MTM1: variants seen among roughly 807,000 people sequenced by gnomAD.
MTM1 encodes the protein myotubularin 1, also known as myotubularin.
MTM1 carries 9 observed loss-of-function variants against 52.1 expected under a neutral mutation model. The ratio of observed to expected loss-of-function variants is 0.17; its 90% confidence interval spans 0.10 to 0.30. The LOEUF is 0.30. Among genes scored for constraint, MTM1 ranks in the 10% least tolerant of loss-of-function variants. The pLI, the probability that MTM1 is intolerant of heterozygous loss-of-function variation, is 1.00. For missense variants in MTM1, 277 were observed against 470.7 expected, an observed-to-expected ratio of 0.59 and a Z score of 3.81; for synonymous variants, 136 against 163.8, an observed-to-expected ratio of 0.83 and a Z score of 1.29.
intron 6 of MTM1, among the ~76,000 whole-genome samples, chrX:150,630,009 T>C (rs997413620): frequency 2.7e-5 from 3 of 112,524 alleles, no homozygotes; most frequent in African/African-American, 9.7e-5. Context: ...CTTCATTCCA[T>C]GTACTACCTT....
chrX:150,578,952 T>C (rs1052166281), intron 1 of MTM1, among the ~76,000 whole-genome samples: 1 of 110,771 alleles, frequency 9.0e-6, no homozygotes, highest in Admixed American at 9.6e-5. Flanking sequence ...ACTTTGTAGA[T>C]CAATATTGAC....
Position 150,623,051 on chromosome X carries a change from A to G in MTM1, c.444+3912A>G, listed in dbSNP as rs149246523. Among the ~76,000 whole-genome samples the G allele has an allele frequency of 7.3e-3, 813 of 111,706 alleles. 5 individuals carry two copies. Among genetic ancestry groups the G allele is most frequent in the African/African-American group, 0.026 (785 of 30,724 alleles). On this transcript the variant is annotated intron_variant, in intron 6 of 14. Transcript: ENST00000370396. ...AGTCATGTACAAAACCTTACCTAAA[A>G]TTTTAGAGGACTTCTGGCCCCTCTG...
intron 1 of MTM1, among the ~76,000 whole-genome samples, chrX:150,575,394 G>T (rs181471309): frequency 4.1e-4 from 46 of 112,524 alleles, no homozygotes; most frequent in Non-Finnish European, 6.4e-4. Context: ...TTAAAAAGTG[G>T]TCCCAGCGTG....
At chrX:150,636,257 T>C (rs1405392353) in intron 6 of MTM1, among the ~76,000 whole-genome samples, 1 of 111,572 alleles carries the variant, frequency 9.0e-6, no homozygotes, top group Non-Finnish European at 1.9e-5. Flanking sequence ...CAAAAAAAAA[T>C]TGATGTTGCT....
intron 3 of MTM1, 78 bp downstream of exon 3, chrX:150,596,648 T>G: frequency 1.3e-6 from 1 of 792,705 alleles, no homozygotes; most frequent in South Asian, 2.1e-5. Flanking sequence ...TCCCGCTTAC[T>G]CTTTAGCAGT....
intron 10 of MTM1, among the ~76,000 whole-genome samples, chrX:150,653,042 A>G (rs781869346): frequency 2.7e-5 from 3 of 111,420 alleles, no homozygotes; most frequent in African/African-American, 6.5e-5. Context: ...AAGGTTTTAT[A>G]GTTTTGTCTA....
chrX:150,636,661 A>G (rs1020963453), intron 6 of MTM1, among the ~76,000 whole-genome samples: 11 of 112,403 alleles, frequency 9.8e-5, no homozygotes, highest in Non-Finnish European at 1.9e-4. Context: ...ACTTATTTCA[A>G]GAAAGCAAGT....
In MTM1 at chrX:150,568,658, C is replaced by T. The variant is rs1488839672; in HGVS notation, c.-15C>T. 1.8e-5 allele frequency: 2 copies of T among 112,927 alleles called. No individual in the cohort carries two copies. The highest frequency in any genetic ancestry group is 1.9e-5 in the Non-Finnish European group (1 of 53,193). 9.3% of individuals were successfully genotyped at this position (112,927 alleles called of 1,213,427 possible). On this transcript the variant is annotated 5_prime_UTR_variant, in exon 1 of 15. Transcript: ENST00000370396. The stretch of plus-strand genomic sequence containing the variant: ...TGGCAACGGCGGTGGCGCCCGGAGC[C>T]CGAGGTGGGTGCGCGCTCACGGCTG...
intron 10 of MTM1, among the ~76,000 whole-genome samples, chrX:150,655,303 C>T (rs1557414359): frequency 1.0e-5 from 1 of 97,106 alleles, no homozygotes; most frequent in Non-Finnish European, 2.0e-5. Context: ...CCAGCCTGGG[C>T]GAAAGAGCGA....
intron 13 of MTM1, among the ~76,000 whole-genome samples, chrX:150,661,466 T>C (rs2040220546): frequency 8.9e-6 from 1 of 112,031 alleles, no homozygotes; most frequent in Non-Finnish European, 1.9e-5. Context: ...GAAATCATCA[T>C]GTCAAAGAGG....
intron 4 of MTM1, among the ~76,000 whole-genome samples, chrX:150,601,559 T>C (rs2039067994): frequency 8.9e-6 from 1 of 112,129 alleles, no homozygotes; most frequent in African/African-American, 3.2e-5. Flanking sequence ...GTGGTCTGAT[T>C]CTGGAGTCAG....
At chrX:150,635,784 A>C (rs1166098036) in intron 6 of MTM1, among the ~76,000 whole-genome samples, 1 of 112,285 alleles carries the variant, frequency 8.9e-6, no homozygotes, top group Non-Finnish European at 1.9e-5. Flanking sequence ...GCTCACTTCA[A>C]TTGAGCCAAG....
intron 6 of MTM1, among the ~76,000 whole-genome samples, chrX:150,634,728 T>C (rs2014208250): frequency 8.9e-6 from 1 of 111,929 alleles, no homozygotes; most frequent in African/African-American, 3.3e-5. Context: ...ACTTGCTCAC[T>C]TGAGGAAGGT....
At chrX:150,596,429 T>G in intron 2 of MTM1, 69 bp from the exon 3 acceptor site, 1 of 834,344 alleles carries the variant, frequency 1.2e-6, no homozygotes, top group East Asian at 3.2e-5. Context: ...GTGGCTTGTA[T>G]TCCTAGTTGC....
intron 5 of MTM1, among the ~76,000 whole-genome samples, chrX:150,616,260 A>G (rs1382267550): frequency 8.9e-6 from 1 of 111,917 alleles, no homozygotes; most frequent in Non-Finnish European, 1.9e-5. Flanking sequence ...ATGAGCCCAA[A>G]GGTGATGGCT....
chrX:150,631,336 A>T (rs145832058), intron 6 of MTM1, among the ~76,000 whole-genome samples: 1,160 of 111,521 alleles, frequency 0.01, 2 homozygotes, highest in Non-Finnish European at 0.015. Context: ...TTTCTATCCC[A>T]ATTAGGAAGA....
At position 150,660,458 on chromosome X, in the gene MTM1, A is replaced by G. The variant is rs1557414650; in HGVS notation, c.1441A>G (p.Asn481Asp). ...TTGCCGATTTGGTACTTTCTTATTC[A>G]ACTGTGAATCTGCTCGAGAAAGACA... ...YSCRFGTFLF[N>D]CESARERQKV... Residue 481 changes from asparagine to aspartate, a missense_variant, in exon 13 of 15, where the codon AAC becomes GAC. Asn to Asp is a conservative substitution (Grantham distance 23). Around this residue, in one of 4 missense-constraint regions of MTM1, gnomAD observed 59 missense variants for 107.8 expected, o/e 0.55. Transcript: ENST00000370396. The G allele has an allele frequency of 4.2e-6, 5 of 1,194,894 alleles. No individual in the cohort carries two copies. In the African/African-American group the frequency reaches 8.8e-5, roughly 21 times the overall value.
rs375031903 is a variant in MTM1, at chrX:150,671,511, C to T, written c.1728C>T (p.Leu576=). 3.3e-6 allele frequency: 4 copies of T among 1,208,647 alleles called. No homozygotes were observed. The highest frequency in any genetic ancestry group is 2.2e-5 in the Admixed American group (1 of 45,546). The change falls in exon 15 of 15, where the codon CTC becomes CTT. Residue 576 remains leucine, a synonymous_variant. Transcript: ENST00000370396. ...TAAAGCGGCTTGAGGAACTGCAGCT[C>T]GCCAACTCTGCCAAGCTTTCTGATC... ...EYIKRLEELQ[L]ANSAKLSDPP...
chrX:150,607,115 G>A (rs1268400198), intron 4 of MTM1, among the ~76,000 whole-genome samples: 1 of 108,424 alleles, frequency 9.2e-6, no homozygotes, highest in Non-Finnish European at 1.9e-5. Flanking sequence ...AGCTTCCCGA[G>A]TAGCTGGGAT....
Sources: allele counts gnomAD v4.1 joint callset (sites outside exome capture counted in the v4.1 genomes callset), GRCh38; gene constraint gnomAD v4.1.1; regional missense constraint gnomAD v4.1.1; transcripts MANE v1.5; gene names NCBI Gene and HGNC (gene_info 2026-07-23, HGNC 2026-07-21).